Variants in BCCIP observed in about 807,000 individuals in gnomAD.
BCCIP encodes BRCA2 and CDKN1A interacting protein.
Under a neutral mutation model 32.8 loss-of-function variants are expected in BCCIP, and 23 were observed. The ratio of observed to expected loss-of-function variants is 0.70; its 90% CI spans 0.51 to 0.99. The LOEUF is 0.99. Among genes scored for constraint, BCCIP ranks in the 50% least tolerant of loss-of-function variants. BCCIP has a pLI of 0.00. For missense variants in BCCIP, 378 were observed against 379.8 expected (o/e 1.00, Z 0.04); for synonymous variants, 144 against 137.6 (o/e 1.05, Z -0.33).
chr10:125,832,125 C>T (rs555959590), intron 5 of BCCIP, among the ~76,000 whole-genome samples: 1 of 152,090 alleles, frequency 6.6e-6, no homozygotes, highest in East Asian at 1.9e-4. Flanking sequence ...ACTGAGTGTA[C>T]TAAGAATTGT....
intron 5 of BCCIP, among the ~76,000 whole-genome samples, chr10:125,832,180 C>CT (rs1174745958): frequency 6.6e-6 from 1 of 151,654 alleles, no homozygotes; most frequent in African/African-American, 2.4e-5. Flanking sequence ...GGCAGATTCT[C>CT]TTATTTATTT....
rs191834219 is a variant in BCCIP at position 125,834,669 on chromosome 10, G to A, written c.774+723G>A. On this transcript the variant is annotated intron_variant, in intron 6 of 6. Transcript: ENST00000278100. ...AATACAAAAAAAAAAAAATTAGCCG[G>A]GCATGGTGGCAGATGCCTGTAATCC... is the stretch of plus-strand genomic sequence containing the variant. Among the ~76,000 whole-genome samples the A allele has an allele frequency of 4.3e-4, 66 of 152,016 alleles. 1 individual carries two copies. Among genetic ancestry groups the A allele is most frequent in the African/African-American group, 1.1e-3 (44 of 41,448 alleles).
intron 3 of BCCIP, among the ~76,000 whole-genome samples, chr10:125,828,147 G>A (rs1280616654): frequency 6.6e-6 from 1 of 152,074 alleles, no homozygotes; most frequent in Non-Finnish European, 1.5e-5. Flanking sequence ...AAAATATTTG[G>A]GAGATGAAAT....
chr10:125,842,898 A>C, downstream of BCCIP: 1 of 494,466 alleles, frequency 2.0e-6, no homozygotes, highest in South Asian at 8.8e-5. Context: ...AGTTTTTAAA[A>C]ATCCATTTAT....
chr10:125,835,599 C>CAAAAA (rs1368391809), intron 6 of BCCIP, among the ~76,000 whole-genome samples: 1 of 149,190 alleles, frequency 6.7e-6, no homozygotes, highest in African/African-American at 2.5e-5. Flanking sequence ...AACAAACAAA[C>CAAAAA]AAAAAAAACA....
chr10:125,839,739 T>C (rs1490064942), downstream of BCCIP, among the ~76,000 whole-genome samples: 5 of 152,208 alleles, frequency 3.3e-5, no homozygotes, highest in African/African-American at 1.2e-4. Flanking sequence ...ACTTTTATCT[T>C]AAAATTCAGG....
In BCCIP at chr10:125,831,423, A is replaced by G; in HGVS notation, c.415A>G (p.Thr139Ala). The change falls in exon 5 of 7, where the codon ACC becomes GCC. Residue 139 changes from threonine to alanine, a missense_variant. Coordinates refer to ENST00000278100, the MANE Select transcript of BCCIP (RefSeq NM_078468.3). ...AAGCTTTCTCTTTGCTTTCTAGGGT[A>G]CCCAGTGTGTTGAACAAATTCAAGA... ...SLLNLTERKG[T>A]QCVEQIQELV... 2 of 1,613,186 alleles carry G rather than the reference A, an allele frequency of 1.2e-6. No individual in the cohort carries two copies. Among genetic ancestry groups the G allele is most frequent in the East Asian group, 2.2e-5 (1 of 44,866 alleles).
downstream of BCCIP, among the ~76,000 whole-genome samples, chr10:125,844,421 C>T (rs751591546): frequency 5.3e-5 from 8 of 152,148 alleles, no homozygotes; most frequent in Non-Finnish European, 1.0e-4. Flanking sequence ...ATTTTTACAC[C>T]CTGGAGTTGA....
intron 6 of BCCIP, among the ~76,000 whole-genome samples, chr10:125,835,609 A>C (rs1854658522): frequency 6.6e-6 from 1 of 152,022 alleles, no homozygotes; most frequent in East Asian, 1.9e-4. Context: ...CAAAAAAAAC[A>C]AAACCATATG....
At chr10:125,840,433 CCT>C (rs1221353779), downstream of BCCIP, among the ~76,000 whole-genome samples, 2 of 152,238 alleles carry the variant, frequency 1.3e-5, no homozygotes, top group East Asian at 1.9e-4. Context: ...AGCTCTGCAG[CCT>C]CTCTGCATGC....
downstream of BCCIP, among the ~76,000 whole-genome samples, chr10:125,845,855 C>T (rs1328159880): frequency 1.3e-5 from 2 of 152,228 alleles, no homozygotes; most frequent in Non-Finnish European, 2.9e-5. Flanking sequence ...CTCCTCCGAG[C>T]TTAGCTGTGC....
At chr10:125,830,371 T>C (rs537808332) in intron 3 of BCCIP, among the ~76,000 whole-genome samples, 191 bp from the exon 4 acceptor site, 1 of 152,324 alleles carries the variant, frequency 6.6e-6, no homozygotes, top group East Asian at 1.9e-4. Context: ...TAAGATACAA[T>C]GCTTTCCAAG....
At chr10:125,826,183 A>G (rs932375639) in intron 1 of BCCIP, 1 of 194,182 alleles carries the variant, frequency 5.1e-6, no homozygotes, top group Admixed American at 6.2e-5. Context: ...TGTCTGCCTT[A>G]CTAACCTTTT....
chr10:125,832,411 G>A (rs1854543139), intron 5 of BCCIP, among the ~76,000 whole-genome samples: 2 of 152,098 alleles, frequency 1.3e-5, no homozygotes, highest in African/African-American at 4.8e-5. Flanking sequence ...TTAAATAGCT[G>A]TAGGAATGCA....
chr10:125,837,999 A>G (rs1246386249), downstream of BCCIP, among the ~76,000 whole-genome samples: 1 of 152,054 alleles, frequency 6.6e-6, no homozygotes, highest in African/African-American at 2.4e-5. Flanking sequence ...TTATTTCTAC[A>G]CTGTCTTTTC....
At chr10:125,835,377 A>G (rs1383392105) in intron 6 of BCCIP, among the ~76,000 whole-genome samples, 1 of 151,948 alleles carries the variant, frequency 6.6e-6, no homozygotes, top group Non-Finnish European at 1.5e-5. Context: ...TCAGGAGATC[A>G]GACCATCCTG....
chr10:125,842,150 G>A (rs1854899632), exon 7 of BCCIP: 4 of 623,540 alleles, frequency 6.4e-6, no homozygotes, highest in Admixed American at 4.0e-5. Context: ...CTCATGCTCC[G>A]AGGAGGGTCC....
At chr10:125,834,793 A>AGAGCG (rs1854614055) in intron 6 of BCCIP, among the ~76,000 whole-genome samples, 1 of 146,484 alleles carries the variant, frequency 6.8e-6, no homozygotes, top group African/African-American at 2.5e-5. Context: ...CCTGAGCAAC[A>AGAGCG]AGGAAGAAAC....
chr10:125,824,623 T>C (rs1305532180), intron 1 of BCCIP, among the ~76,000 whole-genome samples: 1 of 152,254 alleles, frequency 6.6e-6, no homozygotes, highest in Non-Finnish European at 1.5e-5. Flanking sequence ...GAGACCATCG[T>C]AGTCCACACC....
Sources: gnomAD v4.1 joint callset for allele counts (sites outside exome capture counted in the v4.1 genomes callset) on GRCh38, gnomAD v4.1.1 for gene constraint, MANE v1.5 for transcripts, NCBI Gene and HGNC (gene_info 2026-07-23, HGNC 2026-07-21) for gene names.